The following HNF1B variants were observed in gnomAD, a reference collection of about 807,000 sequenced individuals.
The protein encoded by HNF1B is HNF1 homeobox B, also known as hepatocyte nuclear factor 1-beta.
In HNF1B, 8 loss-of-function variants were observed where a neutral mutation model predicts 61.7. The ratio of observed to expected loss-of-function variants is 0.13; its 90% CI spans 0.08 to 0.23. The LOEUF is 0.23. Among genes scored for constraint, HNF1B ranks in the 10% least tolerant of loss-of-function variants. The pLI is 1.00. For missense variants in HNF1B, 562 were observed against 714.5 expected, an observed-to-expected ratio of 0.79 and a Z score of 2.43; for synonymous variants, 314 against 287.7, an observed-to-expected ratio of 1.09 and a Z score of -0.93.
In HNF1B at chr17:37,744,919, T is replaced by TGGGGGGGGGGGGGGGGG; in HGVS notation, c.-36_-35insCCCCCCCCCCCCCCCCC. On this transcript the variant is annotated 5_prime_UTR_variant, in exon 1 of 9. Transcript: ENST00000617811. ...ACGGAAAAAGAAGGGGGTGAGGGGG[T>TGGGGGGGGGGGGGGGGG]GGGTGGGTGCGAGAGAGGAGGGTGG... is the stretch of plus-strand genomic sequence containing the variant. 1 of 378,268 alleles carries TGGGGGGGGGGGGGGGGG rather than the reference T, an allele frequency of 2.6e-6. No homozygotes were observed. Among genetic ancestry groups the TGGGGGGGGGGGGGGGGG allele is most frequent in the Non-Finnish European group, 5.1e-6 (1 of 197,308 alleles). 23.4% of individuals were successfully genotyped at this position (378,268 alleles called of 1,614,324 possible). A position where few individuals can be genotyped will look rare whatever the true frequency, so the allele number is the denominator to read the frequency against.
chr17:37,744,905 A>ATAG lies in HNF1B; in HGVS notation c.-22_-21insCTA. 6.5e-6 allele frequency: 2 copies of ATAG among 306,228 alleles called. No homozygotes were observed. Among genetic ancestry groups the ATAG allele is most frequent in the Non-Finnish European group, 6.2e-6 (1 of 160,542 alleles). 19.0% of individuals were successfully genotyped at this position (306,228 alleles called of 1,614,324 possible). A position where few individuals can be genotyped will look rare whatever the true frequency, so the allele number is the denominator to read the frequency against. ...ACCATTTTCCAAGGACGGAAAAAGA[A>ATAG]GGGGGTGAGGGGGTGGGTGGGTGCG... On this transcript the variant is annotated 5_prime_UTR_variant, in exon 1 of 9. Coordinates refer to ENST00000617811, the MANE Select transcript of HNF1B (RefSeq NM_000458.4).
intron 7 of HNF1B, 27 bp from the exon 8 acceptor site, chr17:37,699,221 C>G: frequency 6.4e-7 from 1 of 1,565,402 alleles, no homozygotes; most frequent in Non-Finnish European, 8.8e-7. Flanking sequence ...AAGACAGAAT[C>G]AAGGTGCATA....
chr17:37,732,741 G>A (rs1263564440), intron 3 of HNF1B, among the ~76,000 whole-genome samples: 1 of 152,180 alleles, frequency 6.6e-6, no homozygotes, highest in Admixed American at 6.5e-5. Context: ...AGGAGGCCAA[G>A]GCAGGAGGAT....
At chr17:37,689,669 C>T (rs779553491) in intron 8 of HNF1B, among the ~76,000 whole-genome samples, 21 of 152,304 alleles carry the variant, frequency 1.4e-4, no homozygotes, top group Middle Eastern at 3.4e-3. Flanking sequence ...CGGGGCCCTC[C>T]GTCTGAAAGG....
At chr17:37,731,940 C>T (rs896418048) in intron 3 of HNF1B, 110 bp from the exon 4 acceptor site, 2 of 728,512 alleles carry the variant, frequency 2.7e-6, no homozygotes, top group Non-Finnish European at 4.7e-6. Flanking sequence ...ATGAAGGGGC[C>T]GTGGGCAGAA....
intron 4 of HNF1B, chr17:37,731,161 G>A (rs774318480): frequency 4.6e-5 from 12 of 262,156 alleles, no homozygotes; most frequent in Non-Finnish European, 9.0e-5. Flanking sequence ...CGGACCGAGC[G>A]AGGGGCAGGA....
chr17:37,716,817 G>GCACCA (rs2033130451), intron 4 of HNF1B, among the ~76,000 whole-genome samples: 1 of 150,154 alleles, frequency 6.7e-6, no homozygotes, highest in Non-Finnish European at 1.5e-5. Flanking sequence ...GATCAACTGG[G>GCACCA]CACCAGCCTC....
At chr17:37,707,137 A>G (rs1159664648) in intron 5 of HNF1B, among the ~76,000 whole-genome samples, 2 of 145,804 alleles carry the variant, frequency 1.4e-5, no homozygotes, top group Non-Finnish European at 3.0e-5. Context: ...TTTTTTTGAG[A>G]CAGGGTCTTA....
chr17:37,724,578 A>G (rs1194041529), intron 4 of HNF1B, among the ~76,000 whole-genome samples: 1 of 152,194 alleles, frequency 6.6e-6, no homozygotes, highest in Non-Finnish European at 1.5e-5. Context: ...AAATCAATTA[A>G]AGACTATAGG....
At chr17:37,728,105 G>A (rs905986126) in intron 4 of HNF1B, among the ~76,000 whole-genome samples, 3 of 151,828 alleles carry the variant, frequency 2.0e-5, no homozygotes, top group African/African-American at 7.3e-5. Flanking sequence ...GGGTTCAAGC[G>A]ATTCTCCTGC....
At chr17:37,706,923 C>A (rs1360426336) in intron 5 of HNF1B, among the ~76,000 whole-genome samples, 2 of 152,182 alleles carry the variant, frequency 1.3e-5, no homozygotes, top group East Asian at 3.8e-4. Context: ...GGCATTATTA[C>A]TATCAGTCCC....
intron 7 of HNF1B, among the ~76,000 whole-genome samples, chr17:37,700,356 T>G (rs762244624): frequency 5.9e-5 from 9 of 152,264 alleles, no homozygotes; most frequent in East Asian, 1.9e-4. Flanking sequence ...GGGGTAGGTA[T>G]AGAAATTGGA....
intron 4 of HNF1B, chr17:37,730,291 GC>G (rs2147538862): frequency 1.3e-5 from 2 of 152,816 alleles, no homozygotes; most frequent in South Asian, 4.1e-4. Flanking sequence ...TCAGAACCCT[GC>G]TTTGAATTTC....
chr17:37,697,716 C>T (rs1049438959), intron 8 of HNF1B, among the ~76,000 whole-genome samples: 16 of 152,218 alleles, frequency 1.1e-4, no homozygotes, highest in African/African-American at 1.9e-4. Flanking sequence ...GGAACTCGCA[C>T]GGGAGTCGAA....
chr17:37,721,780 G>T (rs1020481657), intron 4 of HNF1B, among the ~76,000 whole-genome samples: 6 of 150,242 alleles, frequency 4.0e-5, no homozygotes, highest in African/African-American at 1.5e-4. Context: ...CTGCAGTGGC[G>T]CCAATGGGCA....
intron 4 of HNF1B, among the ~76,000 whole-genome samples, chr17:37,719,516 C>T (rs962707851): frequency 1.4e-4 from 21 of 152,198 alleles, no homozygotes; most frequent in Non-Finnish European, 2.4e-4. Flanking sequence ...TGGTGGACAT[C>T]GTTAGGCCTA....
chr17:37,692,072 G>A (rs1006651928), intron 8 of HNF1B, among the ~76,000 whole-genome samples: 7 of 152,226 alleles, frequency 4.6e-5, no homozygotes, highest in Non-Finnish European at 7.3e-5. Flanking sequence ...TTGAACTCAG[G>A]CACAAACCCA....
chr17:37,728,201 C>CT (rs2033566986), intron 4 of HNF1B, among the ~76,000 whole-genome samples: 1 of 151,582 alleles, frequency 6.6e-6, no homozygotes, highest in East Asian at 1.9e-4. Context: ...GGGGTTTCAC[C>CT]ATGTTGGTCA....
chr17:37,710,745 G>T, intron 4 of HNF1B, 82 bp from the exon 5 acceptor site: 2 of 1,396,438 alleles, frequency 1.4e-6, no homozygotes, highest in Non-Finnish European at 2.0e-6. Context: ...TTGTTTTCAA[G>T]GGTGGGTAAT....
Sources: gnomAD v4.1 joint callset for allele counts (sites outside exome capture counted in the v4.1 genomes callset) on GRCh38, gnomAD v4.1.1 for gene constraint, MANE v1.5 for transcripts, NCBI Gene and HGNC (gene_info 2026-07-23, HGNC 2026-07-21) for gene names.